The following OPCML variants were observed in gnomAD, a reference collection of about 807,000 sequenced individuals.
OPCML encodes the protein opioid binding protein/cell adhesion molecule like.
Under a neutral mutation model 37.8 loss-of-function variants are expected in OPCML, and 13 were observed. The ratio of observed to expected loss-of-function variants is 0.34; its 90% CI spans 0.22 to 0.55. OPCML has a LOEUF of 0.55. Among genes scored for constraint, OPCML ranks in the 20% least tolerant of loss-of-function variants. OPCML has a pLI of 0.91. For synonymous variants in OPCML, 176 were observed against 168.8 expected (o/e 1.04, Z -0.33); for missense variants, 341 against 435.6 (o/e 0.78, Z 1.93).
intron 1 of OPCML, among the ~76,000 whole-genome samples, chr11:133,062,486 G>A (rs908450975): frequency 2.6e-5 from 4 of 152,162 alleles, no homozygotes; most frequent in Non-Finnish European, 5.9e-5. Flanking sequence ...TAATAGAACC[G>A]AGGCTCAAGA....
intron 2 of OPCML, among the ~76,000 whole-genome samples, chr11:132,933,140 G>A (rs1048940713): frequency 2.0e-5 from 3 of 152,168 alleles, no homozygotes; most frequent in Non-Finnish European, 4.4e-5. Context: ...GGTATTCAGG[G>A]ACCTCATAGT....
rs186978484 is a variant in OPCML, at chr11:132,987,037, C to T, written c.62-44027G>A. Among the ~76,000 whole-genome samples the T allele has an allele frequency of 4.9e-3, 741 of 152,242 alleles. 2 individuals carry two copies. Among genetic ancestry groups the T allele is most frequent in the Non-Finnish European group, 7.4e-3 (505 of 68,020 alleles). On this transcript the variant is annotated intron_variant, in intron 1 of 7. Transcript: ENST00000524381. Reference sequence around the variant, plus strand: ...ACTTCAAGACGGGTTTCTAACTCTTCCTACCCTAAGTAACCATGTGATCCA... The same window carrying T: ...ACTTCAAGACGGGTTTCTAACTCTTTCTACCCTAAGTAACCATGTGATCCA...
chr11:132,424,404 C>A (rs569070490), intron 7 of OPCML, among the ~76,000 whole-genome samples: 1 of 152,298 alleles, frequency 6.6e-6, no homozygotes, highest in African/African-American at 2.4e-5. Context: ...CAGGTGTAAG[C>A]CACCATGCCC....
At chr11:132,650,213 A>ACTTACTCTGGAGTGTC (rs1388595310) in intron 3 of OPCML, among the ~76,000 whole-genome samples, 1 of 152,256 alleles carries the variant, frequency 6.6e-6, no homozygotes, top group Non-Finnish European at 1.5e-5. Flanking sequence ...AGTAAGGGAC[A>ACTTACTCTGGAGTGTC]CTAAATCCTA....
intron 1 of OPCML, among the ~76,000 whole-genome samples, chr11:133,342,083 A>G (rs1592217466): frequency 6.6e-6 from 1 of 152,100 alleles, no homozygotes; most frequent in African/African-American, 2.4e-5. Context: ...TTTCTAGGGG[A>G]GGCAGGAAGA....
At chr11:133,430,841 G>A (rs1334241344) in intron 1 of OPCML, among the ~76,000 whole-genome samples, 10 of 152,248 alleles carry the variant, frequency 6.6e-5, no homozygotes, top group Admixed American at 5.2e-4. Flanking sequence ...AATATTATCA[G>A]AAGTTGTCAA....
chr11:132,551,255 AC>A (rs1275092003), intron 3 of OPCML, among the ~76,000 whole-genome samples: 1 of 152,198 alleles, frequency 6.6e-6, no homozygotes, highest in Non-Finnish European at 1.5e-5. Context: ...TGGAGTTGAA[AC>A]CGTCATTGCA....
At chr11:132,540,646 A>T (rs1003855307) in intron 3 of OPCML, among the ~76,000 whole-genome samples, 3 of 152,174 alleles carry the variant, frequency 2.0e-5, no homozygotes, top group African/African-American at 2.4e-5. Context: ...CTCTATTTTG[A>T]TGAGAGAAAT....
At chr11:133,300,400 C>T (rs965747318) in intron 1 of OPCML, 1 of 152,172 alleles carries the variant, frequency 6.6e-6, no homozygotes, top group East Asian at 1.9e-4. Context: ...AGCCCCTCTT[C>T]CAAACCTTTG....
At chr11:132,593,229 A>G (rs1237956711) in intron 3 of OPCML, among the ~76,000 whole-genome samples, 1 of 152,108 alleles carries the variant, frequency 6.6e-6, no homozygotes, top group African/African-American at 2.4e-5. Context: ...CACAGAGGGA[A>G]ACAGCTTGGT....
chr11:132,696,466 CTAAT>C, intron 2 of OPCML, among the ~76,000 whole-genome samples: 1 of 152,114 alleles, frequency 6.6e-6, no homozygotes, highest in Admixed American at 6.5e-5. Flanking sequence ...TTAAGCACCT[CTAAT>C]TGGTATTCTT....
intron 1 of OPCML, among the ~76,000 whole-genome samples, chr11:133,045,812 A>G (rs149124805): frequency 1.3e-5 from 2 of 152,212 alleles, no homozygotes; most frequent in Admixed American, 1.3e-4. Flanking sequence ...ACAGCTTCAT[A>G]ATGGTTAGAC....
chr11:132,795,196 A>G (rs937560646), intron 2 of OPCML, among the ~76,000 whole-genome samples: 4 of 152,156 alleles, frequency 2.6e-5, no homozygotes, highest in African/African-American at 7.2e-5. Flanking sequence ...GCTGTTGTAC[A>G]TTTCATACGT....
chr11:133,289,523 A>G (rs988566447), intron 1 of OPCML, among the ~76,000 whole-genome samples: 38 of 135,388 alleles, frequency 2.8e-4, no homozygotes, highest in Non-Finnish European at 4.6e-4. Context: ...TGAACCCGGG[A>G]GGCGGAGCTT....
intron 3 of OPCML, among the ~76,000 whole-genome samples, chr11:132,565,216 C>T (rs1420052700): frequency 6.6e-6 from 1 of 152,198 alleles, no homozygotes; most frequent in Non-Finnish European, 1.5e-5. Flanking sequence ...CCAGATCCTA[C>T]TCTAACCCAT....
intron 3 of OPCML, among the ~76,000 whole-genome samples, chr11:132,542,476 TC>T (rs1393285516): frequency 6.6e-6 from 1 of 152,138 alleles, no homozygotes; most frequent in African/African-American, 2.4e-5. Flanking sequence ...CCAGTCTCTA[TC>T]CAGGTCTGGA....
chr11:133,204,888 A>ATATATATGTGTG (rs1374766734), intron 1 of OPCML, among the ~76,000 whole-genome samples: 4 of 129,154 alleles, frequency 3.1e-5, no homozygotes, highest in Admixed American at 1.5e-4. Flanking sequence ...ATATATATAT[A>ATATATATGTGTG]TATATATATA....
At chr11:132,650,460 G>A (rs1335381443) in intron 3 of OPCML, among the ~76,000 whole-genome samples, 1 of 152,108 alleles carries the variant, frequency 6.6e-6, no homozygotes, top group Non-Finnish European at 1.5e-5. Flanking sequence ...GCAAAGTCAA[G>A]GACATGACGC....
chr11:132,438,583 G>T (rs986179839), intron 4 of OPCML, among the ~76,000 whole-genome samples: 10 of 151,866 alleles, frequency 6.6e-5, no homozygotes, highest in Non-Finnish European at 1.0e-4. Flanking sequence ...AAGGTGGAAG[G>T]TGGGGACAGT....
Sources: gnomAD v4.1 joint callset for allele counts (sites outside exome capture counted in the v4.1 genomes callset) on GRCh38, gnomAD v4.1.1 for gene constraint, MANE v1.5 for transcripts, NCBI Gene and HGNC (gene_info 2026-07-23, HGNC 2026-07-21) for gene names.